Variants in GALNTL6 observed in about 807,000 individuals in gnomAD.
GALNTL6 encodes the protein polypeptide N-acetylgalactosaminyltransferase like 6.
GALNTL6 carries 46 observed loss-of-function variants against 73.7 expected under a neutral mutation model. The observed-to-expected ratio is 0.62, with a 90% CI of 0.49 to 0.80. The LOEUF is 0.80. GALNTL6 is among the 30% of genes least tolerant of loss of function. The pLI, the probability that GALNTL6 is intolerant of heterozygous loss-of-function variation, is 0.00. For synonymous variants in GALNTL6, 259 were observed against 263.7 expected (o/e 0.98, Z 0.17); for missense variants, 604 against 755.0 (o/e 0.80, Z 2.34).
chr4:171,974,740 T>C (rs1251983653), intron 2 of GALNTL6, among the ~76,000 whole-genome samples: 1 of 125,356 alleles, frequency 8.0e-6, no homozygotes, highest in African/African-American at 2.9e-5. Context: ...TAAAATATTT[T>C]CTTTGTGAGT....
intron 7 of GALNTL6, among the ~76,000 whole-genome samples, chr4:172,870,231 T>C (rs1744858122): frequency 1.3e-5 from 2 of 152,324 alleles, no homozygotes; most frequent in East Asian, 1.9e-4. Flanking sequence ...TTAAATTTTT[T>C]TAATTTTTTA....
chr4:172,336,928 C>T (rs1741349238), intron 4 of GALNTL6, among the ~76,000 whole-genome samples: 2 of 152,074 alleles, frequency 1.3e-5, no homozygotes, highest in Non-Finnish European at 2.9e-5. Context: ...TGTTTGTGCT[C>T]CAACATTGGT....
intron 9 of GALNTL6, 120 bp downstream of exon 9, chr4:172,931,388 T>G (rs1748331232): frequency 1.5e-6 from 1 of 684,918 alleles, no homozygotes; most frequent in African/African-American, 1.8e-5. Context: ...GCTCCTGTGC[T>G]TCTCAGAGTC....
At chr4:172,410,960 G>C (rs1297101931) in intron 5 of GALNTL6, among the ~76,000 whole-genome samples, 1 of 152,058 alleles carries the variant, frequency 6.6e-6, no homozygotes, top group Non-Finnish European at 1.5e-5. Context: ...TGCAAGAGTA[G>C]CTTTTCACTT....
chr4:172,302,133 T>C (rs1331473645), intron 3 of GALNTL6, among the ~76,000 whole-genome samples: 2 of 152,252 alleles, frequency 1.3e-5, no homozygotes, highest in African/African-American at 4.8e-5. Context: ...GTGCTAGCAA[T>C]GAGTGAGGCT....
chr4:172,664,700 G>C (rs1450991722), intron 5 of GALNTL6, among the ~76,000 whole-genome samples: 2 of 152,184 alleles, frequency 1.3e-5, no homozygotes, highest in African/African-American at 4.8e-5. Context: ...AAAAGGGTAA[G>C]ATTCCTTACT....
chr4:172,976,291 T>TA (rs1398449721), intron 10 of GALNTL6, among the ~76,000 whole-genome samples: 8 of 152,368 alleles, frequency 5.3e-5, no homozygotes, highest in African/African-American at 1.9e-4. Context: ...TTTTCTGGTA[T>TA]AAAAAATTCT....
intron 5 of GALNTL6, among the ~76,000 whole-genome samples, chr4:172,547,131 G>T (rs1735802827): frequency 6.6e-6 from 1 of 151,974 alleles, no homozygotes; most frequent in Non-Finnish European, 1.5e-5. Context: ...TTTGGCTGTT[G>T]TCAAATCTTT....
At chr4:172,140,492 C>T (rs892567405) in intron 2 of GALNTL6, among the ~76,000 whole-genome samples, 3 of 151,946 alleles carry the variant, frequency 2.0e-5, no homozygotes, top group Admixed American at 6.6e-5. Context: ...TAAATATCAG[C>T]GCATTTAATC....
intron 2 of GALNTL6, among the ~76,000 whole-genome samples, chr4:171,933,747 G>T (rs963349352): frequency 2.9e-4 from 44 of 152,050 alleles, no homozygotes; most frequent in Non-Finnish European, 2.6e-4. Context: ...ATTGGTTCAG[G>T]TTAACTAGTA....
intron 2 of GALNTL6, among the ~76,000 whole-genome samples, chr4:172,019,889 GAT>G (rs1741343714): frequency 6.6e-6 from 1 of 152,024 alleles, no homozygotes; most frequent in African/African-American, 2.4e-5. Flanking sequence ...TCAGCACATG[GAT>G]CATTCTCAGT....
chr4:171,834,279 G>A lies in GALNTL6; in HGVS notation c.138+19561G>A, dbSNP rs571242326. ...ATAATCTTGCCTAAGTTTCTCATAA[G>A]TCAGATGAAGAAACTAAGTGAATGT... On this transcript the variant is annotated intron_variant, in intron 2 of 12. Transcript: ENST00000506823. Among the ~76,000 whole-genome samples the A allele has an allele frequency of 2.0e-5, 3 of 152,088 alleles. No individual in the cohort carries two copies. The South Asian group carries it at 6.2e-4, about 31-fold the overall frequency.
intron 5 of GALNTL6, among the ~76,000 whole-genome samples, chr4:172,366,213 T>G (rs1331889248): frequency 6.6e-6 from 1 of 152,204 alleles, no homozygotes; most frequent in Non-Finnish European, 1.5e-5. Flanking sequence ...GTTTACAGAT[T>G]AAAAACAGTT....
chr4:172,993,309 A>T (rs1240867410), intron 10 of GALNTL6, among the ~76,000 whole-genome samples: 1 of 152,238 alleles, frequency 6.6e-6, no homozygotes, highest in African/African-American at 2.4e-5. Flanking sequence ...CAAGCCTAGG[A>T]AAGAGGCCTC....
chr4:172,977,061 A>T (rs1481275776), intron 10 of GALNTL6, among the ~76,000 whole-genome samples: 1 of 152,252 alleles, frequency 6.6e-6, no homozygotes, highest in Non-Finnish European at 1.5e-5. Context: ...AACAGAATAG[A>T]AAAACATGAA....
At chr4:172,596,534 G>A (rs1737863788) in intron 5 of GALNTL6, among the ~76,000 whole-genome samples, 1 of 151,652 alleles carries the variant, frequency 6.6e-6, no homozygotes, top group Non-Finnish European at 1.5e-5. Context: ...TATCCTAGGA[G>A]TTGTTTACAC....
At chr4:172,485,202 A>ATT (rs910494305) in intron 5 of GALNTL6, among the ~76,000 whole-genome samples, 9 of 151,652 alleles carry the variant, frequency 5.9e-5, no homozygotes, top group Non-Finnish European at 1.3e-4. Context: ...TTTCTACCCC[A>ATT]TTTTTTTTCA....
At chr4:172,434,715 A>G (rs928111378) in intron 5 of GALNTL6, among the ~76,000 whole-genome samples, 1 of 152,172 alleles carries the variant, frequency 6.6e-6, no homozygotes, top group South Asian at 2.1e-4. Flanking sequence ...AATGGCAATC[A>G]CAAAGAAAAA....
intron 2 of GALNTL6, among the ~76,000 whole-genome samples, chr4:172,042,663 AT>A (rs1346468284): frequency 1.3e-5 from 2 of 151,706 alleles, no homozygotes; most frequent in Non-Finnish European, 2.9e-5. Context: ...TTTAAAAAAA[AT>A]ATACAAAACA....
Sources: gnomAD v4.1 joint callset for allele counts (sites outside exome capture counted in the v4.1 genomes callset) on GRCh38, gnomAD v4.1.1 for gene constraint, MANE v1.5 for transcripts, NCBI Gene and HGNC (gene_info 2026-07-23, HGNC 2026-07-21) for gene names.